The following SBF2 variants were observed in gnomAD, a reference collection of about 807,000 sequenced individuals.
The protein encoded by SBF2 is SET binding factor 2.
Under a neutral mutation model 225.2 loss-of-function variants are expected in SBF2, and 112 were observed. That is an observed-to-expected ratio of 0.50 (90% CI 0.43 to 0.58). The LOEUF is 0.58. SBF2 is among the 20% of genes least tolerant of loss of function. SBF2 has a pLI of 0.00. For synonymous variants in SBF2, 763 were observed against 773.3 expected, an observed-to-expected ratio of 0.99 and a Z score of 0.22; for missense variants, 1,996 against 2,206.2, an observed-to-expected ratio of 0.90 and a Z score of 1.91.
intron 39 of SBF2, 47 bp from the exon 40 acceptor site, chr11:9,780,563 T>C: frequency 6.6e-7 from 1 of 1,518,734 alleles, no homozygotes; most frequent in South Asian, 1.1e-5. Flanking sequence ...GCAGGGCTGT[T>C]TTATGGATTT....
Position 10,118,710 on chromosome 11 carries a change from T to C in SBF2, c.141+75192A>G, listed in dbSNP as rs1424488251. 4.6e-5 allele frequency among the ~76,000 whole-genome samples: 7 copies of C among 152,110 alleles called. No homozygotes were observed. In the South Asian group the frequency reaches 1.5e-3, roughly 32 times the overall value. ...TACCTGTTCCCCCCAAAATCAGAGATGACATAATTGAATGAGTTAAAATTT... is the reference window on the plus strand; with the variant it reads ...TACCTGTTCCCCCCAAAATCAGAGACGACATAATTGAATGAGTTAAAATTT... On this transcript the variant is annotated intron_variant, in intron 2 of 39. Transcript: ENST00000256190.
At chr11:10,245,493 A>G (rs1034566077) in intron 1 of SBF2, among the ~76,000 whole-genome samples, 3 of 152,178 alleles carry the variant, frequency 2.0e-5, no homozygotes, top group African/African-American at 7.2e-5. Flanking sequence ...AAAAAAAAAG[A>G]TAAGTAATGT....
In SBF2 at chr11:10,236,714, G is replaced by A. The variant is rs564862967; in HGVS notation, c.56-42727C>T. Among the ~76,000 whole-genome samples the A allele has an allele frequency of 8.5e-5, 13 of 152,154 alleles. No individual in the cohort carries two copies. The South Asian group carries it at 1.0e-3, about 12-fold the overall frequency. On this transcript the variant is annotated intron_variant, in intron 1 of 39. Coordinates refer to ENST00000256190, the MANE Select transcript of SBF2 (RefSeq NM_030962.4). ...CTTGACCTCTTAATCCACCCGCCTC[G>A]GCCTCCCAAAGTGCTGGGATTACAG...
At chr11:10,016,079 C>T (rs1948638267) in intron 6 of SBF2, among the ~76,000 whole-genome samples, 1 of 151,648 alleles carries the variant, frequency 6.6e-6, no homozygotes, top group Non-Finnish European at 1.5e-5. Context: ...GCCTGGCCCC[C>T]ACCTTGCTCT....
chr11:10,172,437 C>T (rs771579546), intron 2 of SBF2, among the ~76,000 whole-genome samples: 31 of 152,118 alleles, frequency 2.0e-4, no homozygotes, highest in Admixed American at 3.3e-4. Flanking sequence ...CTGCAACCTC[C>T]ACCTCCCAGG....
At chr11:9,921,064 C>CT (rs34959264) in intron 16 of SBF2, among the ~76,000 whole-genome samples, 15,290 of 86,146 alleles carry the variant, frequency 0.18, 1,202 homozygotes, top group East Asian at 0.25. Context: ...CTGAAAACTT[C>CT]TTTTTTTTTT....
intron 2 of SBF2, among the ~76,000 whole-genome samples, chr11:10,148,546 C>G (rs1345605438): frequency 6.6e-6 from 1 of 151,814 alleles, no homozygotes; most frequent in Non-Finnish European, 1.5e-5. Flanking sequence ...CACTCAAGCT[C>G]TCCACTAGGA....
At chr11:9,862,195 C>G (rs1402467377) in intron 17 of SBF2, among the ~76,000 whole-genome samples, 3 of 152,186 alleles carry the variant, frequency 2.0e-5, no homozygotes, top group Non-Finnish European at 4.4e-5. Context: ...TCTAGACATG[C>G]AGTTTGCCTT....
chr11:10,154,951 A>T (rs543134287), intron 2 of SBF2, among the ~76,000 whole-genome samples: 1 of 152,314 alleles, frequency 6.6e-6, no homozygotes, highest in East Asian at 1.9e-4. Context: ...TTAAGTTAAA[A>T]GAATGAAAGT....
chr11:9,802,307 G>A (rs532135603), intron 32 of SBF2, among the ~76,000 whole-genome samples: 3 of 152,276 alleles, frequency 2.0e-5, no homozygotes, highest in Admixed American at 2.0e-4. Flanking sequence ...GCCAGATGTT[G>A]CTATTATGAA....
intron 14 of SBF2, among the ~76,000 whole-genome samples, chr11:9,965,704 C>A (rs2403229): frequency 0.25 from 38,499 of 152,160 alleles, 5,446 homozygotes; most frequent in Admixed American, 0.35. Flanking sequence ...CATAATTATG[C>A]TTTATTAGGA....
intron 37 of SBF2, 45 bp from the exon 38 acceptor site, chr11:9,784,483 C>G (rs373326714): frequency 7.0e-7 from 1 of 1,427,500 alleles, no homozygotes; most frequent in African/African-American, 1.4e-5. Flanking sequence ...TTTACACTTA[C>G]AAAATGCTGT....
intron 1 of SBF2, among the ~76,000 whole-genome samples, chr11:10,259,221 A>T (rs541451697): frequency 2.0e-5 from 3 of 152,318 alleles, no homozygotes; most frequent in African/African-American, 7.2e-5. Flanking sequence ...GTAGAGTTAG[A>T]ATACTTGTAA....
intron 16 of SBF2, among the ~76,000 whole-genome samples, chr11:9,924,347 G>A (rs1010385192): frequency 2.6e-5 from 4 of 152,132 alleles, no homozygotes; most frequent in Non-Finnish European, 4.4e-5. Flanking sequence ...GTAGGCTAAC[G>A]TAAGTGTTCT....
chr11:10,024,055 A>T (rs1337880449), intron 6 of SBF2, among the ~76,000 whole-genome samples: 1 of 152,132 alleles, frequency 6.6e-6, no homozygotes, highest in African/African-American at 2.4e-5. Context: ...CATTTTTTAG[A>T]ACTTTAGAGA....
intron 1 of SBF2, among the ~76,000 whole-genome samples, chr11:10,267,527 G>A (rs537831287): frequency 9.9e-5 from 15 of 152,240 alleles, no homozygotes; most frequent in African/African-American, 3.6e-4. Flanking sequence ...TTTCTGACTT[G>A]AGCGAATGGC....
chr11:10,263,626 G>C (rs1359666788), intron 1 of SBF2, among the ~76,000 whole-genome samples: 1 of 152,008 alleles, frequency 6.6e-6, no homozygotes, highest in African/African-American at 2.4e-5. Context: ...TATTTATAAA[G>C]TGAAGGGTTT....
rs148118917 is a variant in SBF2 at position 10,114,857 on chromosome 11, T to G, written c.142-71876A>C. Among the ~76,000 whole-genome samples the G allele has an allele frequency of 3.4e-3, 514 of 152,324 alleles. 3 individuals carry two copies. Among genetic ancestry groups the G allele is most frequent in the African/African-American group, 0.012 (493 of 41,558 alleles). On this transcript the variant is annotated intron_variant, in intron 2 of 39. Coordinates refer to ENST00000256190, the MANE Select transcript of SBF2 (RefSeq NM_030962.4). Reference sequence around the variant, plus strand: ...TTGCACATTCTTCTACATGATGGTTTGTTTTCTCCTGTGGTTTATAATGCC... The same window carrying G: ...TTGCACATTCTTCTACATGATGGTTGGTTTTCTCCTGTGGTTTATAATGCC...
At chr11:9,887,703 C>G (rs1305823155) in intron 17 of SBF2, among the ~76,000 whole-genome samples, 1 of 152,124 alleles carries the variant, frequency 6.6e-6, no homozygotes, top group African/African-American at 2.4e-5. Flanking sequence ...CTTGTCTTCA[C>G]TCTCAAACAT....
Sources: gnomAD v4.1 joint callset for allele counts (sites outside exome capture counted in the v4.1 genomes callset) on GRCh38, gnomAD v4.1.1 for gene constraint, MANE v1.5 for transcripts, NCBI Gene and HGNC (gene_info 2026-07-23, HGNC 2026-07-21) for gene names.